The following RPS6KC1 variants were observed in gnomAD, a reference collection of about 807,000 sequenced individuals.
The protein encoded by RPS6KC1 is ribosomal protein S6 kinase C1, also known as inactive ribosomal protein S6 kinase delta-1.
RPS6KC1 carries 54 observed loss-of-function variants against 103.8 expected under a neutral mutation model. The ratio of observed to expected loss-of-function variants is 0.52; its 90% CI spans 0.42 to 0.65. The LOEUF (loss-of-function observed/expected upper bound fraction) is 0.65. RPS6KC1 is among the 30% of genes least tolerant of loss of function. The probability of loss-of-function intolerance (pLI) is 0.00; values close to 1 mark genes in which losing one functional copy is unlikely to be tolerated. For missense variants in RPS6KC1, 1,151 were observed against 1,253.8 expected, an observed-to-expected ratio of 0.92 and a Z score of 1.24; for synonymous variants, 439 against 438.7, an observed-to-expected ratio of 1.00 and a Z score of -0.01.
chr1:213,088,326 T>G (rs1344413836), intron 3 of RPS6KC1, among the ~76,000 whole-genome samples: 2 of 152,128 alleles, frequency 1.3e-5, no homozygotes, highest in South Asian at 4.2e-4. Context: ...TTCTTCAGAG[T>G]TCTCTTTTTA....
At chr1:213,556,725 G>T in the RPS6KC1 span, among the ~76,000 whole-genome samples, 1 of 152,194 alleles carries the variant, frequency 6.6e-6, no homozygotes, top group Non-Finnish European at 1.5e-5. Context: ...ATTTTAAAAG[G>T]TATTGCTTAA....
At chr1:213,765,836 T>A in the RPS6KC1 span, among the ~76,000 whole-genome samples, 28,610 of 152,012 alleles carry the variant, frequency 0.19, 2,875 homozygotes, top group Middle Eastern at 0.31. Context: ...TATAAAAAAA[T>A]TTTTATAATA....
intron 8 of RPS6KC1, among the ~76,000 whole-genome samples, chr1:213,188,129 A>G (rs1485434807): frequency 6.6e-6 from 1 of 152,090 alleles, no homozygotes; most frequent in Non-Finnish European, 1.5e-5. Context: ...TGGGGGTGAT[A>G]GTCCCACCTC....
At chr1:213,583,548 C>T in the RPS6KC1 span, among the ~76,000 whole-genome samples, 1 of 152,086 alleles carries the variant, frequency 6.6e-6, no homozygotes, top group African/African-American at 2.4e-5. Flanking sequence ...AGGCTGGGCA[C>T]GATGGCTCAT....
chr1:213,185,494 A>G (rs2092479645), intron 8 of RPS6KC1, among the ~76,000 whole-genome samples: 1 of 152,082 alleles, frequency 6.6e-6, no homozygotes, highest in Admixed American at 6.5e-5. Context: ...TAAAAAATAC[A>G]AAACTTAGCC....
the RPS6KC1 span, among the ~76,000 whole-genome samples, chr1:213,742,257 G>A: frequency 2.6e-5 from 4 of 152,232 alleles, no homozygotes; most frequent in African/African-American, 9.7e-5. Context: ...GTATAATCGT[G>A]TATTTTGAGA....
chr1:213,107,754 A>G (rs1158035298), intron 4 of RPS6KC1, among the ~76,000 whole-genome samples: 1 of 152,230 alleles, frequency 6.6e-6, no homozygotes, highest in Non-Finnish European at 1.5e-5. Context: ...ATAGCCAGTA[A>G]TGTTTGAACT....
the RPS6KC1 span, among the ~76,000 whole-genome samples, chr1:213,388,827 G>A: frequency 5.3e-5 from 8 of 152,354 alleles, no homozygotes; most frequent in East Asian, 1.5e-3. Context: ...GCGAGGGAGG[G>A]TTACAGAAAC....
chr1:213,211,053 G>C (rs2148668559), intron 8 of RPS6KC1, among the ~76,000 whole-genome samples: 1 of 152,334 alleles, frequency 6.6e-6, no homozygotes, highest in East Asian at 1.9e-4. Flanking sequence ...TGAATGGACA[G>C]TGAAATAGTT....
intron 3 of RPS6KC1, among the ~76,000 whole-genome samples, chr1:213,094,448 A>T (rs1030771569): frequency 6.0e-5 from 9 of 149,030 alleles, no homozygotes. Context: ...AATAGTTCTT[A>T]TTTTTTTTCT....
chr1:213,421,071 G>C, the RPS6KC1 span, among the ~76,000 whole-genome samples: 1 of 152,116 alleles, frequency 6.6e-6, no homozygotes, highest in Non-Finnish European at 1.5e-5. Flanking sequence ...TTCCAAATAA[G>C]GTCACATTTT....
At chr1:213,805,569 A>G in the RPS6KC1 span, among the ~76,000 whole-genome samples, 1 of 152,126 alleles carries the variant, frequency 6.6e-6, no homozygotes. Context: ...CCACTTCTAT[A>G]ATTATTCTAG....
the RPS6KC1 span, among the ~76,000 whole-genome samples, chr1:213,596,505 T>C: frequency 6.6e-6 from 1 of 152,230 alleles, no homozygotes; most frequent in Middle Eastern, 3.2e-3. Flanking sequence ...TTGACTTTGA[T>C]GGAATGAAGG....
the RPS6KC1 span, chr1:213,837,381 T>C: frequency 2.0e-5 from 3 of 152,230 alleles, no homozygotes; most frequent in African/African-American, 7.2e-5. Context: ...CTCCTAATTA[T>C]GCAGCTCTTA....
chr1:213,462,452 C>T, the RPS6KC1 span, among the ~76,000 whole-genome samples: 2 of 152,132 alleles, frequency 1.3e-5, no homozygotes, highest in African/African-American at 4.8e-5. Context: ...GACACATGCA[C>T]ACGTATGTTT....
At chr1:213,743,511 G>GA in the RPS6KC1 span, among the ~76,000 whole-genome samples, 12 of 151,804 alleles carry the variant, frequency 7.9e-5, no homozygotes, top group Admixed American at 5.3e-4. Context: ...TAAAAGTTGA[G>GA]AAAAAAAATA....
chr1:213,805,320 C>T, the RPS6KC1 span, among the ~76,000 whole-genome samples: 2 of 152,180 alleles, frequency 1.3e-5, no homozygotes, highest in Non-Finnish European at 2.9e-5. Context: ...ACATATTAAC[C>T]GCAGTAGAAT....
At chr1:213,463,861 T>C in the RPS6KC1 span, among the ~76,000 whole-genome samples, 8 of 152,176 alleles carry the variant, frequency 5.3e-5, no homozygotes, top group Admixed American at 2.0e-4. Flanking sequence ...GCTAGCTAGA[T>C]TATTTTGGGC....
At chr1:213,229,344 T>A (rs2094034106) in intron 8 of RPS6KC1, among the ~76,000 whole-genome samples, 1 of 152,172 alleles carries the variant, frequency 6.6e-6, no homozygotes, top group Non-Finnish European at 1.5e-5. Context: ...TTTTCATCCT[T>A]AAATTCTGTC....
Sources: gnomAD v4.1 joint callset for allele counts (sites outside exome capture counted in the v4.1 genomes callset) on GRCh38, gnomAD v4.1.1 for gene constraint, MANE v1.5 for transcripts, NCBI Gene and HGNC (gene_info 2026-07-23, HGNC 2026-07-21) for gene names.